RAPGEF5: variants seen among roughly 807,000 people sequenced by gnomAD.
The protein encoded by RAPGEF5 is Rap guanine nucleotide exchange factor 5, also known as M-Ras-regulated GEF.
RAPGEF5 carries 65 observed loss-of-function variants against 125.2 expected under a neutral mutation model. That is an observed-to-expected ratio of 0.52 (90% CI 0.43 to 0.64). The LOEUF (loss-of-function observed/expected upper bound fraction) is 0.64. Ranked by LOEUF, RAPGEF5 falls within the 30% of genes least tolerant of loss-of-function variation. RAPGEF5 has a pLI of 0.00. For synonymous variants in RAPGEF5, 391 were observed against 385.9 expected (o/e 1.01, Z -0.16); for missense variants, 958 against 1,048.1 (o/e 0.91, Z 1.19).
chr7:22,239,984 G>C (rs1012745623), intron 7 of RAPGEF5, among the ~76,000 whole-genome samples: 2 of 151,866 alleles, frequency 1.3e-5, no homozygotes, highest in African/African-American at 4.8e-5. Context: ...CGAGGCGGGC[G>C]GATCACCTGA....
intron 11 of RAPGEF5, chr7:22,191,546 G>T: frequency 2.1e-6 from 1 of 471,016 alleles, no homozygotes; most frequent in South Asian, 1.5e-5. Flanking sequence ...TCCCCACTTA[G>T]GTTGGTGCTA....
At chr7:22,211,961 C>CTT (rs1562763783) in intron 9 of RAPGEF5, among the ~76,000 whole-genome samples, 2 of 100,942 alleles carry the variant, frequency 2.0e-5, no homozygotes, top group African/African-American at 4.3e-5. Flanking sequence ...CACATGTGTT[C>CTT]TCTTTTTTTT....
At chr7:22,304,577 G>T (rs560311162) in intron 5 of RAPGEF5, among the ~76,000 whole-genome samples, 4 of 152,330 alleles carry the variant, frequency 2.6e-5, no homozygotes, top group African/African-American at 9.6e-5. Context: ...CGGAGAAGGA[G>T]GTGGAGTTAA....
At chr7:22,191,411 G>A in intron 11 of RAPGEF5, 1 of 355,198 alleles carries the variant, frequency 2.8e-6, no homozygotes. Context: ...TTTCTTTGGT[G>A]AAAGTTGTTA....
chr7:22,343,211 ATCTCATAAAATTTAT>A, intron 1 of RAPGEF5, among the ~76,000 whole-genome samples: 1 of 152,248 alleles, frequency 6.6e-6, no homozygotes, highest in Non-Finnish European at 1.5e-5. Flanking sequence ...AAACCATCAG[ATCTCATAAAATTTAT>A]TCACTATCAC....
At chr7:22,309,877 CCAGACTG>C in intron 4 of RAPGEF5, 85 bp downstream of exon 4, 1 of 1,342,062 alleles carries the variant, frequency 7.5e-7, no homozygotes, top group Non-Finnish European at 9.9e-7. Flanking sequence ...TAATTTCCAT[CCAGACTG>C]TAACATCCTC....
chr7:22,202,491 CT>C (rs1785301762), intron 9 of RAPGEF5, among the ~76,000 whole-genome samples: 1 of 152,142 alleles, frequency 6.6e-6, no homozygotes, highest in Non-Finnish European at 1.5e-5. Context: ...TCTTCTGGGA[CT>C]TTTAGGCACT....
intron 7 of RAPGEF5, among the ~76,000 whole-genome samples, chr7:22,232,438 G>A (rs1786082887): frequency 6.6e-6 from 1 of 151,380 alleles, no homozygotes; most frequent in Non-Finnish European, 1.5e-5. Context: ...GCCTCACTTA[G>A]CCTCCCGAGT....
At chr7:22,185,368 C>T (rs993328660) in intron 11 of RAPGEF5, among the ~76,000 whole-genome samples, 1 of 152,168 alleles carries the variant, frequency 6.6e-6, no homozygotes, top group Non-Finnish European at 1.5e-5. Context: ...TAGAAGGGTC[C>T]TCAAATGTCA....
intron 7 of RAPGEF5, among the ~76,000 whole-genome samples, chr7:22,257,816 T>C (rs1174741498): frequency 6.6e-6 from 1 of 152,228 alleles, no homozygotes; most frequent in African/African-American, 2.4e-5. Context: ...GTCTTTGTTT[T>C]TTCCTAATAC....
At chr7:22,123,201 G>A (rs1308477983) in intron 25 of RAPGEF5, among the ~76,000 whole-genome samples, 1 of 152,060 alleles carries the variant, frequency 6.6e-6, no homozygotes. Context: ...ACATATCTAG[G>A]GCAGTCAAGG....
intron 9 of RAPGEF5, chr7:22,194,496 T>A (rs1293781205): frequency 1.3e-6 from 1 of 762,962 alleles, no homozygotes; most frequent in African/African-American, 1.9e-5. Flanking sequence ...TATTCAGTAG[T>A]TGCAATCAAT....
intron 9 of RAPGEF5, among the ~76,000 whole-genome samples, chr7:22,208,920 A>G (rs1426320864): frequency 6.6e-6 from 1 of 152,210 alleles, no homozygotes; most frequent in East Asian, 1.9e-4. Context: ...GTGGGGCACC[A>G]TTATTGGTGC....
intron 11 of RAPGEF5, among the ~76,000 whole-genome samples, chr7:22,182,861 T>G (rs1158344710): frequency 6.6e-6 from 1 of 152,264 alleles, no homozygotes; most frequent in Non-Finnish European, 1.5e-5. Flanking sequence ...TGAGGATTTA[T>G]GTTTCAAATG....
intron 7 of RAPGEF5, 41 bp from the exon 8 acceptor site, chr7:22,230,960 C>T (rs1005191036): frequency 1.4e-5 from 21 of 1,517,228 alleles, no homozygotes; most frequent in Non-Finnish European, 1.8e-5. Flanking sequence ...TATCATCATA[C>T]AAAAAATGCT....
chr7:22,160,334 C>T (rs74483868), intron 14 of RAPGEF5, among the ~76,000 whole-genome samples, 184 bp downstream of exon 14: 3,586 of 152,250 alleles, frequency 0.024, 50 homozygotes, highest in Middle Eastern at 0.065. Context: ...AGCTGAATTC[C>T]GTGTTCTTTC....
intron 1 of RAPGEF5, chr7:22,355,928 T>G (rs2128390743): frequency 1.0e-6 from 1 of 978,478 alleles, no homozygotes; most frequent in East Asian, 1.1e-4. Context: ...ATGCAGCTTC[T>G]CATTAAAGAC....
intron 12 of RAPGEF5, among the ~76,000 whole-genome samples, chr7:22,163,483 G>T (rs936558503): frequency 6.6e-6 from 1 of 152,142 alleles, no homozygotes; most frequent in African/African-American, 2.4e-5. Flanking sequence ...TATGATTAAT[G>T]TCACTATCTG....
At chr7:22,198,803 C>G (rs772092315) in intron 9 of RAPGEF5, among the ~76,000 whole-genome samples, 4 of 152,152 alleles carry the variant, frequency 2.6e-5, no homozygotes, top group Non-Finnish European at 5.9e-5. Context: ...CTATAATGAT[C>G]CTATGAGACT....
Sources: gnomAD v4.1 joint callset for allele counts (sites outside exome capture counted in the v4.1 genomes callset) on GRCh38, gnomAD v4.1.1 for gene constraint, MANE v1.5 for transcripts, NCBI Gene and HGNC (gene_info 2026-07-23, HGNC 2026-07-21) for gene names.